The following AKAP6 variants were observed in gnomAD, a reference collection of about 807,000 sequenced individuals.
AKAP6 encodes A-kinase anchoring protein 6.
In AKAP6, 58 loss-of-function variants were observed where a neutral mutation model predicts 188.5. That is an observed-to-expected ratio of 0.31 (90% CI 0.25 to 0.38). AKAP6 has a LOEUF of 0.38. Ranked by LOEUF, AKAP6 falls within the 10% of genes least tolerant of loss-of-function variation. The probability of loss-of-function intolerance (pLI) is 1.00; values close to 1 mark genes in which losing one functional copy is unlikely to be tolerated. For synonymous variants in AKAP6, 989 were observed against 998.6 expected (o/e 0.99, Z 0.18); for missense variants, 2,710 against 2,740.0 (o/e 0.99, Z 0.24).
intron 2 of AKAP6, among the ~76,000 whole-genome samples, chr14:32,532,766 A>C (rs997924316): frequency 2.6e-5 from 4 of 152,216 alleles, no homozygotes; most frequent in Non-Finnish European, 5.9e-5. Flanking sequence ...AACAAATCTG[A>C]GTTATGAATC....
At chr14:32,452,503 A>G (rs1281010814) in intron 2 of AKAP6, among the ~76,000 whole-genome samples, 1 of 152,154 alleles carries the variant, frequency 6.6e-6, no homozygotes, top group Admixed American at 6.5e-5. Context: ...TGTCTAAAAT[A>G]TTTAAAATTG....
intron 7 of AKAP6, among the ~76,000 whole-genome samples, chr14:32,654,296 T>C (rs1322813828): frequency 1.3e-5 from 2 of 152,080 alleles, no homozygotes; most frequent in Non-Finnish European, 1.5e-5. Flanking sequence ...AAACTCTGGG[T>C]CTGTTTTTCT....
At position 32,836,536 on chromosome 14, in the gene AKAP6, A is replaced by G. The variant is rs1445172140; in HGVS notation, c.*6731A>G. The G allele has an allele frequency of 6.6e-6, 1 of 152,130 alleles. No individual in the cohort carries two copies. Among genetic ancestry groups the G allele is most frequent in the Non-Finnish European group, 1.5e-5 (1 of 68,042 alleles). 9.4% of individuals were successfully genotyped at this position (152,130 alleles called of 1,614,324 possible). ...CCAGGCTTTTGCCAAACATTAGTAA[A>G]CAATTTCCAGTGAATACTCTGCCCC... On this transcript the variant is annotated 3_prime_UTR_variant, in exon 14 of 14. Transcript: ENST00000280979.
At chr14:32,391,224 T>A (rs767322606) in intron 1 of AKAP6, among the ~76,000 whole-genome samples, 77 of 152,308 alleles carry the variant, frequency 5.1e-4, no homozygotes, top group Admixed American at 1.0e-3. Flanking sequence ...AGCATTCTCA[T>A]GTTCAATCTC....
At chr14:32,488,594 C>A (rs1174923400) in intron 2 of AKAP6, among the ~76,000 whole-genome samples, 1 of 152,156 alleles carries the variant, frequency 6.6e-6, no homozygotes, top group Non-Finnish European at 1.5e-5. Flanking sequence ...GAAACTCCTG[C>A]AGCTAGCTAG....
At chr14:32,540,205 AT>A (rs113054383) in intron 3 of AKAP6, among the ~76,000 whole-genome samples, 15 of 52,666 alleles carry the variant, frequency 2.8e-4, no homozygotes, top group Admixed American at 6.2e-4. Context: ...TTAATTTTTT[AT>A]TTTTTTTTTT....
intron 7 of AKAP6, among the ~76,000 whole-genome samples, chr14:32,626,092 T>G (rs996881877): frequency 6.6e-6 from 1 of 152,172 alleles, no homozygotes; most frequent in Non-Finnish European, 1.5e-5. Flanking sequence ...TCTCTCATTT[T>G]CATACCCACT....
chr14:32,763,260 A>G (rs554684303), intron 11 of AKAP6, among the ~76,000 whole-genome samples: 29 of 152,150 alleles, frequency 1.9e-4, no homozygotes, highest in Non-Finnish European at 3.7e-4. Flanking sequence ...ATTAGATGAT[A>G]TTTCCAAAAT....
chr14:32,558,468 C>G (rs1402717209), intron 4 of AKAP6, among the ~76,000 whole-genome samples: 1 of 152,072 alleles, frequency 6.6e-6, no homozygotes. Flanking sequence ...AGAGGGAATA[C>G]TTGATCTGGG....
chr14:32,786,296 A>ATGTTTTTTTTTTTTGTTT, intron 12 of AKAP6, among the ~76,000 whole-genome samples: 1 of 93,706 alleles, frequency 1.1e-5, no homozygotes, highest in Non-Finnish European at 2.1e-5. Flanking sequence ...CTAAACCTTT[A>ATGTTTTTTTTTTTTGTTT]TCTTTTTTTT....
chr14:32,421,488 A>G (rs1388121930), intron 1 of AKAP6, among the ~76,000 whole-genome samples: 2 of 152,062 alleles, frequency 1.3e-5, no homozygotes, highest in African/African-American at 4.8e-5. Context: ...TGTTCCGCAA[A>G]TATTTCTTTT....
chr14:32,527,852 G>C (rs761946721), intron 2 of AKAP6, among the ~76,000 whole-genome samples: 3 of 152,100 alleles, frequency 2.0e-5, no homozygotes, highest in Admixed American at 6.6e-5. Flanking sequence ...TTTGAATAAT[G>C]ATCCTTCATA....
intron 7 of AKAP6, among the ~76,000 whole-genome samples, chr14:32,667,885 T>G (rs1337471429): frequency 6.6e-6 from 1 of 152,158 alleles, no homozygotes; most frequent in Non-Finnish European, 1.5e-5. Flanking sequence ...GGAACTAGTG[T>G]GCATGTCTTG....
At chr14:32,602,604 G>T (rs2139357354) in intron 7 of AKAP6, among the ~76,000 whole-genome samples, 1 of 152,124 alleles carries the variant, frequency 6.6e-6, no homozygotes, top group East Asian at 1.9e-4. Context: ...AAGCTTCATT[G>T]TATTTTGTTT....
At chr14:32,536,242 G>A (rs887180973) in intron 3 of AKAP6, among the ~76,000 whole-genome samples, 2 of 152,154 alleles carry the variant, frequency 1.3e-5, no homozygotes, top group Admixed American at 6.5e-5. Context: ...TGCCATTGGA[G>A]GACAGAGAAA....
At chr14:32,763,665 A>C (rs968858244) in intron 11 of AKAP6, among the ~76,000 whole-genome samples, 1 of 152,146 alleles carries the variant, frequency 6.6e-6, no homozygotes, top group African/African-American at 2.4e-5. Flanking sequence ...ATTGAGAGCA[A>C]ATGATTGCAT....
chr14:32,790,081 A>G (rs2033562034), intron 12 of AKAP6, among the ~76,000 whole-genome samples: 1 of 152,250 alleles, frequency 6.6e-6, no homozygotes, highest in South Asian at 2.1e-4. Flanking sequence ...TGCAATCACA[A>G]GTATCAATAG....
rs1289907520 is a variant in AKAP6 at position 32,833,742 on chromosome 14, C to G, written c.*3937C>G. 6.6e-6 allele frequency: 1 copy of G among 152,182 alleles called. No individual in the cohort carries two copies. The highest frequency in any genetic ancestry group is 1.9e-4 in the East Asian group (1 of 5,198). 9.4% of individuals were successfully genotyped at this position (152,182 alleles called of 1,614,324 possible). ...AATTTTTTAGAATTTTAAAGAAAAA[C>G]TCACTTTTCAAGTGTCATATAATTC... On this transcript the variant is annotated 3_prime_UTR_variant, in exon 14 of 14. Transcript: ENST00000280979.
chr14:32,453,099 T>A (rs57741465), intron 2 of AKAP6, among the ~76,000 whole-genome samples: 23,359 of 152,124 alleles, frequency 0.15, 3,295 homozygotes, highest in African/African-American at 0.37. Context: ...AGAAACATAA[T>A]TTATTATTGT....
Sources: gnomAD v4.1 joint callset for allele counts (sites outside exome capture counted in the v4.1 genomes callset) on GRCh38, gnomAD v4.1.1 for gene constraint, MANE v1.5 for transcripts, NCBI Gene and HGNC (gene_info 2026-07-23, HGNC 2026-07-21) for gene names.